The following PI4KA variants were observed in gnomAD, a reference collection of about 807,000 sequenced individuals.
PI4KA encodes phosphatidylinositol 4-kinase alpha.
In PI4KA, 122 loss-of-function variants were observed where a neutral mutation model predicts 271.4. The observed-to-expected ratio is 0.45, with a 90% CI of 0.39 to 0.52. The LOEUF (loss-of-function observed/expected upper bound fraction) is 0.52. PI4KA is among the 20% of genes least tolerant of loss of function. The pLI, the probability that PI4KA is intolerant of heterozygous loss-of-function variation, is 0.00. For synonymous variants in PI4KA, 1,041 were observed against 1,078.8 expected, an observed-to-expected ratio of 0.96 and a Z score of 0.69; for missense variants, 1,969 against 2,769.1, an observed-to-expected ratio of 0.71 and a Z score of 6.48.
chr22:20,710,744 A>C lies in PI4KA; in HGVS notation c.6038T>G (p.Phe2013Cys). ...GACACACATCTCCATGAACCACTTG[A>C]AGGGTGTGGCCTCCATCTTGCCCCC... ...IMGGKMEATPFKWFMEMCVRG... is the reference protein window; with the variant it reads ...IMGGKMEATPCKWFMEMCVRG... The change falls in exon 52 of 55, where the codon TTC (phenylalanine) becomes TGC (cysteine). Residue 2013 changes from phenylalanine (F) to cysteine (C), a missense_variant. By Grantham distance (205) the Phe-to-Cys change is radical (BLOSUM62 -2). Coordinates refer to ENST00000255882, the MANE Select transcript of PI4KA (RefSeq NM_058004.4). 1 of 1,614,006 alleles carries C rather than the reference A, an allele frequency of 6.2e-7. No individual in the cohort carries two copies. The highest frequency in any genetic ancestry group is 1.1e-5 in the South Asian group (1 of 91,078).
rs79922201 is a variant in PI4KA, at chr22:20,796,233, G to A, written c.2190C>T (p.Leu730=). Residue 730 remains leucine (L), a synonymous_variant, in exon 18 of 55, where the codon CTC becomes CTT. Coordinates refer to ENST00000255882, the MANE Select transcript of PI4KA (RefSeq NM_058004.4). The part of the protein sequence containing the change: ...IQDEHLVDEL[L]MNLLELFVQL... ...GCACAAACAACTCCAACAGGTTCAT[G>A]AGCAGCTCATCCACCAGGTGCTCGT... The A allele has an allele frequency of 5.8e-5, 93 of 1,614,130 alleles. No individual in the cohort carries two copies. The highest frequency in any genetic ancestry group is 4.8e-4 in the African/African-American group (36 of 75,040).
chr22:20,719,440 T>C (rs1288910761), intron 43 of PI4KA, among the ~76,000 whole-genome samples: 1 of 152,012 alleles, frequency 6.6e-6, no homozygotes, highest in African/African-American at 2.4e-5. Context: ...TTTTAAAGTA[T>C]CCTTTGTGAT....
intron 1 of PI4KA, among the ~76,000 whole-genome samples, chr22:20,852,856 A>T (rs536365850): frequency 1.3e-5 from 2 of 152,164 alleles, no homozygotes; most frequent in African/African-American, 4.8e-5. Context: ...TATTCTCCCA[A>T]CTACAGATTA....
chr22:20,812,842 C>T (rs561840942), intron 8 of PI4KA, among the ~76,000 whole-genome samples: 5 of 152,312 alleles, frequency 3.3e-5, no homozygotes, highest in South Asian at 2.1e-4. Context: ...GCATGAGCCA[C>T]GGCGTCCAAC....
Position 20,751,770 on chromosome 22 carries a change from A to T in PI4KA, c.2988-15T>A. The T allele has an allele frequency of 6.2e-7, 1 of 1,612,338 alleles. No homozygotes were observed. The highest frequency in any genetic ancestry group is 8.5e-7 in the Non-Finnish European group (1 of 1,178,464). ...AGTGGGGAAACCTGCACCAAGAGCCAGCTCTCAGGACCAAGAGCCAAACCT... is the reference window on the plus strand; with the variant it reads ...AGTGGGGAAACCTGCACCAAGAGCCTGCTCTCAGGACCAAGAGCCAAACCT... On this transcript the variant is annotated splice_polypyrimidine_tract_variant and intron_variant, in intron 25 of 54. Transcript: ENST00000255882.
rs1744921308 is a variant in PI4KA at position 20,817,145 on chromosome 22, A to G, written c.856+1338T>C. ...ATTCTCACAGATCTAAGAGATGGAA[A>G]GCTTCCTACATTTATGTAAGCCCAG... On this transcript the variant is annotated intron_variant, in intron 7 of 54. Coordinates refer to ENST00000255882, the MANE Select transcript of PI4KA (RefSeq NM_058004.4). 2.0e-5 allele frequency among the ~76,000 whole-genome samples: 3 copies of G among 152,200 alleles called. No individual in the cohort carries two copies. In the South Asian group the frequency reaches 6.2e-4, roughly 31 times the overall value.
chr22:20,751,335 G>A lies in PI4KA; in HGVS notation c.3111C>T (p.Ala1037=). ...TGTCAGGAACCGTGATCCGGTAGGG[G>A]GCGTCGGGGATGTCATAGTAAGGCT... ...KDQPYYDIPD[A]PYRITVPDTY... is the part of the protein sequence containing the mutation. Residue 1037 remains alanine, a synonymous_variant, in exon 27 of 55, where the codon GCC becomes GCT. Transcript: ENST00000255882. 6.2e-7 allele frequency: 1 copy of A among 1,614,084 alleles called. No homozygotes were observed. The highest frequency in any genetic ancestry group is 8.5e-7 in the Non-Finnish European group (1 of 1,179,972).
rs548947368 is a variant in PI4KA, at chr22:20,826,736, T to C, written c.368-2322A>G. ...CTGTTATTTCTTGACTTTTTAATAA[T>C]AGCCATTCTGACTGGTGTGAGATGG... On this transcript the variant is annotated intron_variant, in intron 3 of 54. Coordinates refer to ENST00000255882, the MANE Select transcript of PI4KA (RefSeq NM_058004.4). Among the ~76,000 whole-genome samples the C allele has an allele frequency of 1.1e-4, 17 of 152,342 alleles. No homozygotes were observed. In the East Asian group the frequency reaches 2.7e-3, roughly 24 times the overall value.
chr22:20,718,537 T>A lies in PI4KA; in HGVS notation c.5246+156A>T, dbSNP rs558538385. 2.3e-3 allele frequency among the ~76,000 whole-genome samples: 357 copies of A among 152,326 alleles called. 2 individuals are homozygous for A. Among genetic ancestry groups the A allele is most frequent in the African/African-American group, 8.2e-3 (340 of 41,576 alleles). On this transcript the variant is annotated intron_variant, in intron 44 of 54. Transcript: ENST00000255882. Reference sequence around the variant, plus strand: ...GCAGTGCTTCCCCACCCACCCTGGCTGTCCATCAGAACCACCAGCGGCCCC... The same window carrying A: ...GCAGTGCTTCCCCACCCACCCTGGCAGTCCATCAGAACCACCAGCGGCCCC...
At chr22:20,858,080 C>T (rs1049052178) in intron 1 of PI4KA, among the ~76,000 whole-genome samples, 1 of 152,220 alleles carries the variant, frequency 6.6e-6, no homozygotes, top group Admixed American at 6.5e-5. Context: ...AGTGTTTCGT[C>T]TCCTGGTCAC....
chr22:20,800,944 G>C (rs992484627), intron 14 of PI4KA, among the ~76,000 whole-genome samples: 1 of 148,396 alleles, frequency 6.7e-6, no homozygotes, highest in African/African-American at 2.5e-5. Context: ...AGGCTGGAGT[G>C]CAATGGTACA....
rs1436702764 is a variant in PI4KA at position 20,779,777 on chromosome 22, C to T, written c.2328+13416G>A. On this transcript the variant is annotated intron_variant, in intron 19 of 54. Coordinates refer to ENST00000255882, the MANE Select transcript of PI4KA (RefSeq NM_058004.4). The stretch of plus-strand genomic sequence containing the variant: ...CTTTCGATAACATCTTCATAGCACC[C>T]GTTGGCATTTCTACTGCGATGGGTA... 1.5e-5 allele frequency: 24 copies of T among 1,614,092 alleles called. No individual in the cohort carries two copies. Among genetic ancestry groups the T allele is most frequent in the African/African-American group, 4.0e-5 (3 of 74,940 alleles).
intron 19 of PI4KA, among the ~76,000 whole-genome samples, chr22:20,790,821 G>C (rs1934599418): frequency 1.3e-5 from 2 of 151,550 alleles, no homozygotes; most frequent in South Asian, 4.2e-4. Flanking sequence ...AAGGACCCAT[G>C]ATCTCTGTGC....
intron 19 of PI4KA, among the ~76,000 whole-genome samples, chr22:20,768,574 C>CTT (rs1414376832): frequency 1.3e-5 from 2 of 152,186 alleles, no homozygotes; most frequent in African/African-American, 4.8e-5. Context: ...TCTTTAATGT[C>CTT]TATATTTCCT....
chr22:20,813,556 G>A, intron 7 of PI4KA, 50 bp from the exon 8 acceptor site: 1 of 1,580,264 alleles, frequency 6.3e-7, no homozygotes, highest in African/African-American at 1.4e-5. Flanking sequence ...GGCAACTAGG[G>A]TACTTCCTCA....
chr22:20,739,445 G>C (rs1341037008), intron 32 of PI4KA, among the ~76,000 whole-genome samples: 2 of 149,286 alleles, frequency 1.3e-5, no homozygotes, highest in African/African-American at 4.9e-5. Context: ...GTCAGCCTGG[G>C]CAACATAGCA....
At chr22:20,783,449 A>G (rs1159465152) in intron 19 of PI4KA, among the ~76,000 whole-genome samples, 1 of 151,560 alleles carries the variant, frequency 6.6e-6, no homozygotes, top group African/African-American at 2.4e-5. Flanking sequence ...AAAAAAAAAA[A>G]AAAGACAGAA....
intron 3 of PI4KA, among the ~76,000 whole-genome samples, chr22:20,833,861 T>C (rs1924531510): frequency 6.6e-6 from 1 of 151,898 alleles, no homozygotes; most frequent in Non-Finnish European, 1.5e-5. Context: ...AGTTTCACCA[T>C]ATTGGCCAGG....
chr22:20,801,859 C>CT, intron 14 of PI4KA, 114 bp downstream of exon 14: 8 of 1,179,506 alleles, frequency 6.8e-6, no homozygotes, highest in South Asian at 4.4e-5. Flanking sequence ...GCATTCCAGC[C>CT]TGGGCAACAG....
Sources: allele counts gnomAD v4.1 joint callset (sites outside exome capture counted in the v4.1 genomes callset), GRCh38; gene constraint gnomAD v4.1.1; transcripts MANE v1.5; gene names NCBI Gene and HGNC (gene_info 2026-07-23, HGNC 2026-07-21).